CLDN6: variants seen among roughly 807,000 people sequenced by gnomAD.
CLDN6 encodes claudin-6.
For synonymous variants in CLDN6, 144 were observed against 131.2 expected, an observed-to-expected ratio of 1.10 and a Z score of -0.67; for missense variants, 279 against 284.1, an observed-to-expected ratio of 0.98 and a Z score of 0.13.
At chr16:3,016,355 A>G (rs552473278) in intron 1 of CLDN6, among the ~76,000 whole-genome samples, 3 of 152,394 alleles carry the variant, frequency 2.0e-5, no homozygotes, top group Non-Finnish European at 4.4e-5. Flanking sequence ...GTCCAAGGCC[A>G]GAGCCAGTGA....
chr16:3,017,468 G>A (rs1331183573), intron 1 of CLDN6, among the ~76,000 whole-genome samples: 1 of 152,208 alleles, frequency 6.6e-6, no homozygotes. Context: ...CCGGGCTGTG[G>A]CCTCCCACTG....
In CLDN6 at chr16:3,015,349, C is replaced by G; in HGVS notation, c.*10G>C. The G allele has an allele frequency of 6.6e-7, 1 of 1,518,136 alleles. No homozygotes were observed. The allele number at this position is 1,518,136 out of a possible 1,614,324, so 94.0% of individuals were successfully genotyped here. On this transcript the variant is annotated 3_prime_UTR_variant, in exon 2 of 2. Coordinates refer to ENST00000328796, the MANE Select transcript of CLDN6 (RefSeq NM_021195.5). ...CTCTAGCGCCAGCGGAGCCCCCATT[C>G]CCCTCCACGTCAGACGTAATTCTTG...
rs918410578 is a variant in CLDN6, at chr16:3,014,967, G to A, written c.*392C>T. On this transcript the variant is annotated 3_prime_UTR_variant, in exon 2 of 2. Coordinates refer to ENST00000328796, the MANE Select transcript of CLDN6 (RefSeq NM_021195.5). ...GGAGCTCCAGAGACCTGAGTAGGATGGGGGGCAGCTGTCCAGTGACATCTA... is the reference window on the plus strand; with the variant it reads ...GGAGCTCCAGAGACCTGAGTAGGATAGGGGGCAGCTGTCCAGTGACATCTA... 4.9e-6 allele frequency: 2 copies of A among 404,994 alleles called. No homozygotes were observed. The highest frequency in any genetic ancestry group is 8.7e-6 in the Non-Finnish European group (2 of 230,580). The allele number at this position is 404,994 out of a possible 1,614,324, so 25.1% of individuals were successfully genotyped here. A position where few individuals can be genotyped will look rare whatever the true frequency, so the allele number is the denominator to read the frequency against.
rs763975515 is a variant in CLDN6, at chr16:3,015,769, C to T, written c.253G>A (p.Val85Ile). ...QDLQAARALC[V>I]IALLVALFGL... ...AACAGGGCCACAAGGAGGGCGATGA[C>T]ACAGAGGGCACGTGCAGCCTGCAGG... Residue 85 changes from valine (V) to isoleucine (I), a missense_variant, in exon 2 of 2, where the codon GTC becomes ATC. Coordinates refer to ENST00000328796, the MANE Select transcript of CLDN6 (RefSeq NM_021195.5). The T allele has an allele frequency of 3.1e-6, 5 of 1,613,990 alleles. No homozygotes were observed. Among genetic ancestry groups the T allele is most frequent in the African/African-American group, 2.7e-5 (2 of 74,946 alleles).
chr16:3,015,326 C>G lies in CLDN6; in HGVS notation c.*33G>C, dbSNP rs748972591. ...TGGGCACTGCCACTTCTGGATGGCT[C>G]TAGCGCCAGCGGAGCCCCCATTCCC... On this transcript the variant is annotated 3_prime_UTR_variant, in exon 2 of 2. Coordinates refer to ENST00000328796, the MANE Select transcript of CLDN6 (RefSeq NM_021195.5). 13 of 1,513,510 alleles carry G rather than the reference C, an allele frequency of 8.6e-6. No individual in the cohort carries two copies. The highest frequency in any genetic ancestry group is 2.7e-5 in the South Asian group (2 of 74,214). 93.8% of individuals were successfully genotyped at this position (1,513,510 alleles called of 1,614,324 possible).
At chr16:3,016,100 A>G in intron 1 of CLDN6, 58 bp from the exon 2 acceptor site, 1 of 1,480,780 alleles carries the variant, frequency 6.8e-7, no homozygotes, top group East Asian at 2.4e-5. Context: ...ACCTCAGGCC[A>G]CATGTGGACA....
intron 1 of CLDN6, among the ~76,000 whole-genome samples, chr16:3,017,402 T>C (rs2072574310): frequency 6.6e-6 from 1 of 152,202 alleles, no homozygotes; most frequent in Non-Finnish European, 1.5e-5. Flanking sequence ...CCACCTGGCC[T>C]GCACCTGTGT....
At position 3,014,948 on chromosome 16, in the gene CLDN6, C is replaced by CTT; in HGVS notation, c.*410_*411insAA. The CTT allele has an allele frequency of 2.5e-6, 1 of 401,026 alleles. No individual in the cohort carries two copies. Among genetic ancestry groups the CTT allele is most frequent in the Admixed American group, 4.2e-5 (1 of 23,570 alleles). The allele number at this position is 401,026 out of a possible 1,614,324, so 24.8% of individuals were successfully genotyped here. ...TTTTCCAGGGGTGAAGAGAGGAGCT[C>CTT]CAGAGACCTGAGTAGGATGGGGGGC... On this transcript the variant is annotated 3_prime_UTR_variant, in exon 2 of 2. Transcript: ENST00000328796.
rs1455379665 is a variant in CLDN6, at chr16:3,015,589, G to T, written c.433C>A (p.Arg145=). 2.5e-6 allele frequency: 4 copies of T among 1,613,078 alleles called. No individual in the cohort carries two copies. Among genetic ancestry groups the T allele is most frequent in the Admixed American group, 3.3e-5 (2 of 60,004 alleles). Residue 145 remains arginine (R), a synonymous_variant, in exon 2 of 2, where the codon CGG becomes AGG. Transcript: ENST00000328796. ...GCCACCAGGGGGTTATAGAAGTCCC[G>T]GATGATGGCATGCGCCGTCCAGCAC... The part of the protein sequence containing the change: ...PVCWTAHAII[R]DFYNPLVAEA...
In CLDN6 at chr16:3,016,022, G is replaced by A. The variant is rs2072565311; in HGVS notation, c.-1C>T. ...GGATCTGCATTCCGGCAGAGGCCAT[G>A]GCGAGGTTGAAGGAGCTGCACTGTG... On this transcript the variant is annotated 5_prime_UTR_variant, in exon 2 of 2. Coordinates refer to ENST00000328796, the MANE Select transcript of CLDN6 (RefSeq NM_021195.5). 8 of 1,612,548 alleles carry A rather than the reference G, an allele frequency of 5.0e-6. No individual in the cohort carries two copies. The East Asian group carries it at 8.9e-5, about 18-fold the overall frequency.
intron 1 of CLDN6, among the ~76,000 whole-genome samples, chr16:3,016,751 C>T (rs1179999397): frequency 6.7e-6 from 1 of 149,032 alleles, no homozygotes; most frequent in Non-Finnish European, 1.5e-5. Context: ...CGGTTCACGC[C>T]ATTCTCCTGC....
chr16:3,015,622 T>C lies in CLDN6; in HGVS notation c.400A>G (p.Ile134Val). The stretch of plus-strand genomic sequence containing the variant: ...GCATGCGCCGTCCAGCACACGGGGA[T>C]TAGCGTCAGGACCCCTGAGATGACA... ...VFVISGVLTL[I>V]PVCWTAHAII... Residue 134 changes from isoleucine to valine, a missense_variant, in exon 2 of 2, where the codon ATC becomes GTC. Coordinates refer to ENST00000328796, the MANE Select transcript of CLDN6 (RefSeq NM_021195.5). 2.5e-6 allele frequency: 4 copies of C among 1,613,282 alleles called. No homozygotes were observed. The highest frequency in any genetic ancestry group is 3.4e-6 in the Non-Finnish European group (4 of 1,180,036).
chr16:3,014,834 G>GC lies in CLDN6; in HGVS notation c.*524dup. On this transcript the variant is annotated 3_prime_UTR_variant, in exon 2 of 2. Transcript: ENST00000328796. ...CGGGGGTCTACATAGCTGGGACCTG[G>GC]CCCTGGGGGGTGGACGTCTTATCAG... 3.2e-6 allele frequency: 1 copy of GC among 309,254 alleles called. No homozygotes were observed. Among genetic ancestry groups the GC allele is most frequent in the Non-Finnish European group, 5.9e-6 (1 of 170,846 alleles). The allele number at this position is 309,254 out of a possible 1,614,324, so 19.2% of individuals were successfully genotyped here.
chr16:3,018,057 C>A (rs908457601), intron 1 of CLDN6, 92 bp downstream of exon 1: 1 of 152,474 alleles, frequency 6.6e-6, no homozygotes, highest in East Asian at 1.9e-4. Flanking sequence ...GGCCGCAGCC[C>A]GAGTTCGCAC....
chr16:3,017,652 G>C (rs1291419099), intron 1 of CLDN6, among the ~76,000 whole-genome samples: 2 of 152,064 alleles, frequency 1.3e-5, no homozygotes, highest in Non-Finnish European at 2.9e-5. Context: ...TAGGCCTCTG[G>C]CCGAGTTAGG....
In CLDN6 at chr16:3,015,588, C is replaced by T. The variant is rs748058808; in HGVS notation, c.434G>A (p.Arg145Gln). 23 of 1,613,080 alleles carry T rather than the reference C, an allele frequency of 1.4e-5. No individual in the cohort carries two copies. The Middle Eastern group carries it at 5.0e-4, about 35-fold the overall frequency. Residue 145 changes from arginine (R) to glutamine (Q), a missense_variant, in exon 2 of 2, where the codon CGG becomes CAG. Arg to Gln is a conservative substitution (Grantham distance 43, BLOSUM62 1). Transcript: ENST00000328796. ...AGCCACCAGGGGGTTATAGAAGTCC[C>T]GGATGATGGCATGCGCCGTCCAGCA... ...PVCWTAHAII[R>Q]DFYNPLVAEA... is the part of the protein sequence containing the mutation.
At chr16:3,016,863 T>A (rs960620685) in intron 1 of CLDN6, among the ~76,000 whole-genome samples, 10 of 152,016 alleles carry the variant, frequency 6.6e-5, no homozygotes, top group African/African-American at 2.4e-4. Flanking sequence ...TTAGCCAGGA[T>A]GGTCTCGATC....
chr16:3,017,247 C>A (rs1453425753), intron 1 of CLDN6, among the ~76,000 whole-genome samples: 1 of 152,210 alleles, frequency 6.6e-6, no homozygotes, highest in Non-Finnish European at 1.5e-5. Context: ...GTTCCTCCCC[C>A]AAAGCCAGTG....
chr16:3,017,787 C>T (rs988366586), intron 1 of CLDN6, among the ~76,000 whole-genome samples: 3 of 151,860 alleles, frequency 2.0e-5, no homozygotes, highest in African/African-American at 7.3e-5. Flanking sequence ...CCGACCACCC[C>T]AGCCTGGGAG....
Sources: gnomAD v4.1 joint callset for allele counts (sites outside exome capture counted in the v4.1 genomes callset) on GRCh38, gnomAD v4.1.1 for gene constraint, MANE v1.5 for transcripts, NCBI Gene and HGNC (gene_info 2026-07-23, HGNC 2026-07-21) for gene names.